CYP19A1: variants seen among roughly 807,000 people sequenced by gnomAD.
CYP19A1 encodes aromatase.
A neutral mutation model predicts 44.4 loss-of-function variants in CYP19A1; 32 were observed. That is an observed-to-expected ratio of 0.72 (90% confidence interval 0.54 to 0.97). The LOEUF (loss-of-function observed/expected upper bound fraction) is 0.97, where lower values mean the gene tolerates loss of function less well. Ranked by LOEUF, CYP19A1 falls within the 50% of genes least tolerant of loss-of-function variation. The pLI, the probability that CYP19A1 is intolerant of heterozygous loss-of-function variation, is 0.00. For missense variants in CYP19A1, 598 were observed against 637.8 expected, an observed-to-expected ratio of 0.94 and a Z score of 0.67; for synonymous variants, 212 against 215.6, an observed-to-expected ratio of 0.98 and a Z score of 0.14.
chr15:51,215,426 A>T (rs1313783485), intron 7 of CYP19A1, among the ~76,000 whole-genome samples, 194 bp from the exon 8 acceptor site: 1 of 152,242 alleles, frequency 6.6e-6, no homozygotes. Flanking sequence ...CTGTCTATGT[A>T]TATGTAGTGT....
intron 1 of CYP19A1, among the ~76,000 whole-genome samples, chr15:51,292,735 A>C (rs1430569282): frequency 5.3e-5 from 8 of 151,926 alleles, no homozygotes. Flanking sequence ...AACTGCACAA[A>C]GGAGCACAGG....
intron 1 of CYP19A1, among the ~76,000 whole-genome samples, chr15:51,267,469 C>A (rs28637352): frequency 0.44 from 66,313 of 152,070 alleles, 14,613 homozygotes; most frequent in African/African-American, 0.46. Context: ...GGGCCAAAGG[C>A]CGACCCTCAC....
At chr15:51,267,500 G>A (rs977657887) in intron 1 of CYP19A1, among the ~76,000 whole-genome samples, 1 of 152,178 alleles carries the variant, frequency 6.6e-6, no homozygotes, top group African/African-American at 2.4e-5. Flanking sequence ...GCGTGGCGGC[G>A]AGGTCCCTTG....
At chr15:51,307,817 TC>T (rs1309353453) in intron 1 of CYP19A1, among the ~76,000 whole-genome samples, 1 of 152,202 alleles carries the variant, frequency 6.6e-6, no homozygotes, top group Non-Finnish European at 1.5e-5. Context: ...TGTTCTTTCA[TC>T]CTCTCTGCAG....
At chr15:51,328,748 G>T (rs1235363244) in intron 1 of CYP19A1, among the ~76,000 whole-genome samples, 1 of 152,174 alleles carries the variant, frequency 6.6e-6, no homozygotes, top group East Asian at 1.9e-4. Context: ...TGGGGAGGGT[G>T]TTTCTGGATG....
intron 7 of CYP19A1, among the ~76,000 whole-genome samples, chr15:51,215,469 A>G (rs533071462): frequency 6.6e-6 from 1 of 152,252 alleles, no homozygotes; most frequent in Non-Finnish European, 1.5e-5. Context: ...TTCATATTTT[A>G]TACTGTTACA....
intron 2 of CYP19A1, among the ~76,000 whole-genome samples, chr15:51,240,308 C>G (rs953055629): frequency 6.6e-6 from 1 of 152,120 alleles, no homozygotes; most frequent in African/African-American, 2.4e-5. Flanking sequence ...ATATGAGCCC[C>G]AGTTTCATCA....
chr15:51,294,725 G>A (rs1356033873), intron 1 of CYP19A1, among the ~76,000 whole-genome samples: 2 of 148,196 alleles, frequency 1.3e-5, no homozygotes, highest in Non-Finnish European at 3.0e-5. Flanking sequence ...CTGGCCAGCC[G>A]CCCCCCGGGA....
At chr15:51,218,412 A>C in intron 6 of CYP19A1, 129 bp downstream of exon 6, 1 of 1,384,652 alleles carries the variant, frequency 7.2e-7, no homozygotes, top group South Asian at 1.4e-5. Context: ...CAGCAACTTA[A>C]TCAACAGCTC....
intron 3 of CYP19A1, among the ~76,000 whole-genome samples, chr15:51,232,741 C>T (rs75562692): frequency 0.015 from 2,218 of 152,300 alleles, 74 homozygotes; most frequent in African/African-American, 0.051. Flanking sequence ...ATCTCTACTG[C>T]TACCACCTGG....
At chr15:51,262,917 G>C (rs2034784727) in intron 1 of CYP19A1, among the ~76,000 whole-genome samples, 1 of 152,080 alleles carries the variant, frequency 6.6e-6, no homozygotes. Flanking sequence ...AGTCTAGGAG[G>C]GGAGACAAGC....
chr15:51,289,361 C>T (rs2035789084), intron 1 of CYP19A1, among the ~76,000 whole-genome samples: 1 of 152,182 alleles, frequency 6.6e-6, no homozygotes, highest in Non-Finnish European at 1.5e-5. Flanking sequence ...CTGCTTATGC[C>T]ATTCCCTGCA....
intron 1 of CYP19A1, among the ~76,000 whole-genome samples, chr15:51,294,649 C>CGT (rs1566915856): frequency 6.3e-4 from 83 of 131,618 alleles, no homozygotes; most frequent in African/African-American, 2.3e-3. Flanking sequence ...CAGCCCCCCG[C>CGT]CCGGCCAGCC....
intron 5 of CYP19A1, 136 bp from the exon 6 acceptor site, chr15:51,218,791 C>A (rs2031817955): frequency 6.8e-7 from 1 of 1,480,694 alleles, no homozygotes; most frequent in Non-Finnish European, 9.0e-7. Context: ...AGCAAGATTC[C>A]ATCTTCAGTA....
At chr15:51,283,152 G>A (rs1169590552) in intron 1 of CYP19A1, among the ~76,000 whole-genome samples, 6 of 148,174 alleles carry the variant, frequency 4.0e-5, no homozygotes, top group African/African-American at 1.5e-4. Context: ...AGAGGAGGAC[G>A]AGTGTAAAGA....
chr15:51,299,585 A>C (rs940262701), intron 1 of CYP19A1, among the ~76,000 whole-genome samples: 3 of 152,230 alleles, frequency 2.0e-5, no homozygotes, highest in Non-Finnish European at 4.4e-5. Flanking sequence ...TTGCAGACCT[A>C]ACTGTGCCTT....
At chr15:51,212,983 G>C (rs2031179031) in intron 8 of CYP19A1, among the ~76,000 whole-genome samples, 1 of 152,096 alleles carries the variant, frequency 6.6e-6, no homozygotes, top group South Asian at 2.1e-4. Context: ...TTGAGTTTTT[G>C]TTCCCTACTC....
intron 6 of CYP19A1, among the ~76,000 whole-genome samples, chr15:51,216,342 C>T (rs957538428): frequency 6.6e-6 from 1 of 152,168 alleles, no homozygotes; most frequent in Non-Finnish European, 1.5e-5. Flanking sequence ...GCCTCTGCCT[C>T]CTGGGTTCAA....
At chr15:51,331,519 A>G (rs1566928726) in intron 1 of CYP19A1, among the ~76,000 whole-genome samples, 1 of 152,206 alleles carries the variant, frequency 6.6e-6, no homozygotes, top group Non-Finnish European at 1.5e-5. Context: ...CCAGAAGGAG[A>G]TAAGTATAGT....
Sources: allele counts gnomAD v4.1 joint callset (sites outside exome capture counted in the v4.1 genomes callset), GRCh38; gene constraint gnomAD v4.1.1; transcripts MANE v1.5; gene names NCBI Gene and HGNC (gene_info 2026-07-23, HGNC 2026-07-21).